Variants in MICAL2 observed in about 807,000 individuals in gnomAD.
The protein encoded by MICAL2 is [F-actin]-monooxygenase MICAL2.
In MICAL2, 77 loss-of-function variants were observed where a neutral mutation model predicts 127.3. The observed-to-expected ratio is 0.60, with a 90% CI of 0.50 to 0.73. The LOEUF is 0.73. MICAL2 is among the 30% of genes least tolerant of loss of function. MICAL2 has a pLI of 0.00. For synonymous variants in MICAL2, 570 were observed against 551.1 expected, an observed-to-expected ratio of 1.03 and a Z score of -0.48; for missense variants, 1,351 against 1,434.4, an observed-to-expected ratio of 0.94 and a Z score of 0.94.
chr11:12,244,091 C>G lies in MICAL2; in HGVS notation c.2763C>G (p.Asp921Glu). The change falls in exon 21 of 28, where the codon GAC (aspartate) becomes GAG (glutamate). Residue 921 changes from aspartate (D) to glutamate (E), a missense_variant. Transcript: ENST00000683283. ...CTTCTTCCTCTCCATCAACTGTTGACTCTGCTTCTCCTGCCAGAAAGGTAG... is the reference window on the plus strand; with the variant it reads ...CTTCTTCCTCTCCATCAACTGTTGAGTCTGCTTCTCCTGCCAGAAAGGTAG... ...PAASSSPSTV[D>E]SASPARKEKK... 2.5e-6 allele frequency: 4 copies of G among 1,614,112 alleles called. No individual in the cohort carries two copies. Among genetic ancestry groups the G allele is most frequent in the Non-Finnish European group, 1.7e-6 (2 of 1,180,048 alleles).
intron 21 of MICAL2, 94 bp downstream of exon 21, chr11:12,244,206 C>A: frequency 6.6e-7 from 1 of 1,523,092 alleles, no homozygotes; most frequent in Non-Finnish European, 9.1e-7. Context: ...TTGAGCCTGG[C>A]TTGGCTGGAA....
chr11:12,183,052 G>A (rs1018947786), intron 3 of MICAL2, among the ~76,000 whole-genome samples: 7 of 152,002 alleles, frequency 4.6e-5, no homozygotes, highest in African/African-American at 1.7e-4. Context: ...GCAGCCTATT[G>A]TTGTCTTGGT....
downstream of MICAL2, chr11:12,294,323 C>G (rs1269193261): frequency 9.9e-6 from 16 of 1,614,072 alleles, no homozygotes; most frequent in South Asian, 7.7e-5. Flanking sequence ...CTGGGCCAAG[C>G]AAGAATCCAA....
intron 3 of MICAL2, among the ~76,000 whole-genome samples, chr11:12,180,349 A>ATATATATATATATATTT (rs11403732): frequency 3.6e-5 from 5 of 139,680 alleles, no homozygotes; most frequent in African/African-American, 8.0e-5. Flanking sequence ...ATATGTATAT[A>ATATATATATATATATTT]TTTTTTTTTT....
intron 1 of MICAL2, among the ~76,000 whole-genome samples, chr11:12,113,579 C>T (rs570423827): frequency 1.1e-4 from 17 of 152,270 alleles, no homozygotes; most frequent in South Asian, 8.3e-4. Context: ...TTCGAGGTTT[C>T]GGTTACAGTC....
intron 2 of MICAL2, among the ~76,000 whole-genome samples, chr11:12,143,085 C>T (rs889754494): frequency 3.3e-5 from 5 of 152,290 alleles, no homozygotes; most frequent in South Asian, 4.2e-4. Context: ...GCTCCCTTAT[C>T]GCTCTGGAAG....
chr11:12,353,295 A>G (rs1370206987), intron 33 of MICAL2, among the ~76,000 whole-genome samples: 3 of 152,214 alleles, frequency 2.0e-5, no homozygotes, highest in African/African-American at 7.2e-5. Context: ...TCTCTGTTGC[A>G]GTGAACACCT....
At chr11:12,293,844 A>G, downstream of MICAL2, 2 of 1,607,078 alleles carry the variant, frequency 1.2e-6, no homozygotes, top group Non-Finnish European at 1.7e-6. Context: ...TGGGGGAAGG[A>G]CAGGAGCTGG....
intron 31 of MICAL2, among the ~76,000 whole-genome samples, chr11:12,324,471 GTC>G (rs1387936736): frequency 6.6e-6 from 1 of 152,222 alleles, no homozygotes; most frequent in Admixed American, 6.5e-5. Context: ...GTTAAGGGCT[GTC>G]TCTATTTCAA....
At chr11:12,273,029 A>G (rs1863689378), upstream of MICAL2, among the ~76,000 whole-genome samples, 1 of 152,212 alleles carries the variant, frequency 6.6e-6, no homozygotes, top group Admixed American at 6.5e-5. Context: ...CAACTCTAGT[A>G]TAGGGAGGGA....
intron 24 of MICAL2, 174 bp downstream of exon 24, chr11:12,257,145 C>T: frequency 1.5e-6 from 1 of 688,638 alleles, no homozygotes; most frequent in Admixed American, 3.3e-5. Flanking sequence ...GAAGGGGAGG[C>T]TGCCTGTGGT....
At chr11:12,322,082 T>C (rs1864305876) in intron 30 of MICAL2, among the ~76,000 whole-genome samples, 1 of 152,160 alleles carries the variant, frequency 6.6e-6, no homozygotes, top group African/African-American at 2.4e-5. Context: ...TGAGTTTTTA[T>C]TTCCTTACCT....
intron 1 of MICAL2, among the ~76,000 whole-genome samples, chr11:12,278,191 T>G (rs945073494): frequency 6.6e-6 from 1 of 152,212 alleles, no homozygotes; most frequent in Non-Finnish European, 1.5e-5. Context: ...TTGAAAAATA[T>G]TTTTCTTTCT....
At chr11:12,138,113 T>C (rs948130314) in intron 1 of MICAL2, among the ~76,000 whole-genome samples, 1 of 152,160 alleles carries the variant, frequency 6.6e-6, no homozygotes, top group Non-Finnish European at 1.5e-5. Flanking sequence ...TCCCTCCTAC[T>C]CCTCAGCAAA....
intron 3 of MICAL2, among the ~76,000 whole-genome samples, chr11:12,177,863 C>A (rs1857002235): frequency 6.6e-6 from 1 of 152,220 alleles, no homozygotes; most frequent in South Asian, 2.1e-4. Flanking sequence ...TGACTCTCCA[C>A]ATTTCTATTT....
intron 2 of MICAL2, among the ~76,000 whole-genome samples, chr11:12,286,694 C>A: frequency 6.6e-6 from 1 of 151,930 alleles, no homozygotes; most frequent in Non-Finnish European, 1.5e-5. Context: ...CACAGTGGGA[C>A]CCTGTCTCTA....
At chr11:12,249,451 T>C (rs1229304977) in intron 22 of MICAL2, among the ~76,000 whole-genome samples, 1 of 152,202 alleles carries the variant, frequency 6.6e-6, no homozygotes, top group Non-Finnish European at 1.5e-5. Flanking sequence ...GAACTTGTAA[T>C]TTCCAGACAC....
At chr11:12,345,915 A>G (rs116399532) in intron 32 of MICAL2, among the ~76,000 whole-genome samples, 167 of 152,344 alleles carry the variant, frequency 1.1e-3, no homozygotes, top group African/African-American at 3.8e-3. Flanking sequence ...CTAGGACAAA[A>G]TGACAGACGA....
chr11:12,282,570 A>G (rs554157547), intron 2 of MICAL2, among the ~76,000 whole-genome samples: 55 of 152,364 alleles, frequency 3.6e-4, no homozygotes, highest in African/African-American at 1.3e-3. Context: ...GACCCCAGAG[A>G]GGCAGACCAT....
Sources: gnomAD v4.1 joint callset for allele counts (sites outside exome capture counted in the v4.1 genomes callset) on GRCh38, gnomAD v4.1.1 for gene constraint, MANE v1.5 for transcripts, NCBI Gene and HGNC (gene_info 2026-07-23, HGNC 2026-07-21) for gene names.